The following ZNF85 variants were observed in gnomAD, a reference collection of about 807,000 sequenced individuals.
ZNF85 encodes the protein zinc finger protein 85, also known as zinc finger protein 85 (HPF4, HTF1).
ZNF85 carries 50 observed loss-of-function variants against 53.9 expected under a neutral mutation model. The ratio of observed to expected loss-of-function variants is 0.93; its 90% CI spans 0.74 to 1.17. ZNF85 has a LOEUF of 1.17. ZNF85 is among the 50% of genes most tolerant of loss of function. The pLI is 0.00. For synonymous variants in ZNF85, 225 were observed against 226.1 expected (o/e 1.00, Z 0.04); for missense variants, 747 against 688.5 (o/e 1.08, Z -0.95).
intron 3 of ZNF85, among the ~76,000 whole-genome samples, chr19:20,940,808 G>A (rs1599440876): frequency 6.6e-6 from 1 of 151,950 alleles, no homozygotes; most frequent in African/African-American, 2.4e-5. Flanking sequence ...ATTCTCAAAG[G>A]TTATCTTAAA....
chr19:20,929,162 A>T (rs1208333511), intron 1 of ZNF85, among the ~76,000 whole-genome samples: 1 of 146,736 alleles, frequency 6.8e-6, no homozygotes, highest in Non-Finnish European at 1.5e-5. Flanking sequence ...CAGTGACAGG[A>T]TTCACTAGAC....
chr19:20,945,018 T>A (rs958613235), intron 3 of ZNF85, among the ~76,000 whole-genome samples: 6 of 152,182 alleles, frequency 3.9e-5, no homozygotes, highest in Admixed American at 6.5e-5. Flanking sequence ...AAAATTCTTC[T>A]ACTTTTATCA....
intron 1 of ZNF85, among the ~76,000 whole-genome samples, chr19:20,924,678 G>T (rs1410245513): frequency 1.3e-5 from 2 of 152,106 alleles, no homozygotes; most frequent in Non-Finnish European, 2.9e-5. Context: ...GTCCTTTATT[G>T]TACATTTTAT....
intron 1 of ZNF85, among the ~76,000 whole-genome samples, chr19:20,932,207 G>A (rs1973039489): frequency 1.3e-5 from 2 of 152,056 alleles, no homozygotes; most frequent in Non-Finnish European, 2.9e-5. Context: ...AGAAAAGGAG[G>A]AAAAAGAGGA....
intron 1 of ZNF85, among the ~76,000 whole-genome samples, chr19:20,923,658 CA>C (rs1401779916): frequency 6.6e-6 from 1 of 152,202 alleles, no homozygotes; most frequent in Non-Finnish European, 1.5e-5. Context: ...TCTGCATTCG[CA>C]GCACCGCGTC....
rs767351712 is a variant in ZNF85 at position 20,948,599 on chromosome 19, A to G, written c.230-145A>G. On this transcript the variant is annotated intron_variant, in intron 3 of 3. Transcript: ENST00000328178. ...GGTCAGTATGTTTTTGTTACATTTA[A>G]ATGTCTATGAAGGATTTAGGGCCTA... 1.5e-4 allele frequency: 89 copies of G among 574,402 alleles called. No homozygotes were observed. The highest frequency in any genetic ancestry group is 2.4e-4 in the Non-Finnish European group (81 of 343,056). The allele number at this position is 574,402 out of a possible 1,614,324, so 35.6% of individuals were successfully genotyped here.
chr19:20,939,987 G>A (rs745344375), intron 3 of ZNF85, among the ~76,000 whole-genome samples: 1 of 152,008 alleles, frequency 6.6e-6, no homozygotes, highest in Non-Finnish European at 1.5e-5. Flanking sequence ...GTGAGCCACT[G>A]TGCCTGACCT....
Position 20,948,922 on chromosome 19 carries a change from A to T in ZNF85, c.408A>T (p.Gln136His), listed in dbSNP as rs12972502. ...AAGGAGGTTGTAATGGACTTAACCA[A>T]TGTCTCACAGCTACCCAGAGCAAAA... ...MHKGGCNGLN[Q>H]CLTATQSKIF... Residue 136 changes from glutamine (Q) to histidine (H), a missense_variant, in exon 4 of 4, where the codon CAA becomes CAT. Gln to His is a conservative substitution (Grantham distance 24). Coordinates refer to ENST00000328178, the MANE Select transcript of ZNF85 (RefSeq NM_003429.5). The T allele has an allele frequency of 8.7e-6, 14 of 1,613,646 alleles. No individual in the cohort carries two copies. The African/African-American group carries it at 1.9e-4, about 22-fold the overall frequency.
At chr19:20,925,201 G>T (rs919083585) in intron 1 of ZNF85, among the ~76,000 whole-genome samples, 6 of 152,136 alleles carry the variant, frequency 3.9e-5, no homozygotes, top group Non-Finnish European at 1.5e-5. Context: ...GCTCACACCT[G>T]TAATCCCAGC....
At chr19:20,947,098 GA>G (rs1285523746) in intron 3 of ZNF85, among the ~76,000 whole-genome samples, 4 of 151,104 alleles carry the variant, frequency 2.6e-5, no homozygotes, top group East Asian at 3.9e-4. Flanking sequence ...TCTCTATACA[GA>G]TTTTTTTGTG....
In ZNF85 at chr19:20,949,996, C is replaced by G; in HGVS notation, c.1482C>G (p.Pro494=). The part of the protein sequence containing the change: ...CEECGKGFKW[P]STLTIHKIIH... ...AATGTGGCAAAGGTTTTAAATGGCC[C>G]TCAACCCTTACTATCCATAAGATAA... The change falls in exon 4 of 4, where the codon CCC becomes CCG. Residue 494 remains proline, a synonymous_variant. Transcript: ENST00000328178. 6.2e-7 allele frequency: 1 copy of G among 1,612,596 alleles called. No individual in the cohort carries two copies. The highest frequency in any genetic ancestry group is 8.5e-7 in the Non-Finnish European group (1 of 1,179,554).
rs1405531404 is a variant in ZNF85, at chr19:20,949,855, T to G, written c.1341T>G (p.Ile447Met). Residue 447 changes from isoleucine (I) to methionine (M), a missense_variant, in exon 4 of 4, where the codon ATT becomes ATG. Coordinates refer to ENST00000328178, the MANE Select transcript of ZNF85 (RefSeq NM_003429.5). ...QSSKLTEHKK[I>M]HTGEKPYECE... ...CAAAACTTACTGAACATAAGAAAAT[T>G]CATACTGGAGAGAAACCCTATGAAT... The G allele has an allele frequency of 6.2e-7, 1 of 1,612,626 alleles. No individual in the cohort carries two copies. Among genetic ancestry groups the G allele is most frequent in the Admixed American group, 1.7e-5 (1 of 59,870 alleles).
At position 20,934,993 on chromosome 19, in the gene ZNF85, G is replaced by C. The variant is rs1973122983; in HGVS notation, c.175G>C (p.Gly59Arg). 1 of 1,611,578 alleles carries C rather than the reference G, an allele frequency of 6.2e-7. No individual in the cohort carries two copies. Among genetic ancestry groups the C allele is most frequent in the African/African-American group, 1.3e-5 (1 of 74,954 alleles). Residue 59 changes from glycine to arginine, a missense_variant, in exon 3 of 4, where the codon GGG becomes CGG. Gly to Arg is a moderately radical substitution (Grantham distance 125). Transcript: ENST00000328178. Reference sequence around the variant, plus strand: ...AGACCTGATCACTTGTCTGGAGCAAGGGAAAGAGGCCTGGAGTATGAAGAG... The same window carrying C: ...AGACCTGATCACTTGTCTGGAGCAACGGAAAGAGGCCTGGAGTATGAAGAG... Reference protein sequence around the residue: ...KPDLITCLEQGKEAWSMKRHE... With the variant: ...KPDLITCLEQRKEAWSMKRHE...
intron 3 of ZNF85, among the ~76,000 whole-genome samples, chr19:20,942,545 G>T (rs1973321756): frequency 6.6e-6 from 1 of 151,614 alleles, no homozygotes; most frequent in African/African-American, 2.4e-5. Context: ...AAAAATATGT[G>T]GTATTGGGAT....
chr19:20,929,871 A>G (rs1365146273), intron 1 of ZNF85, among the ~76,000 whole-genome samples: 1 of 152,208 alleles, frequency 6.6e-6, no homozygotes, highest in Non-Finnish European at 1.5e-5. Context: ...CTATAATCCC[A>G]GCACTTTGGG....
chr19:20,935,868 G>A (rs937633585), intron 3 of ZNF85, among the ~76,000 whole-genome samples: 1 of 151,930 alleles, frequency 6.6e-6, no homozygotes, highest in African/African-American at 2.4e-5. Flanking sequence ...AATTTTGATA[G>A]GGAGTTTGTT....
At chr19:20,930,141 A>AAG (rs1364046761) in intron 1 of ZNF85, among the ~76,000 whole-genome samples, 1 of 150,870 alleles carries the variant, frequency 6.6e-6, no homozygotes, top group Middle Eastern at 3.2e-3. Context: ...AAAAAAAAAA[A>AAG]AGAAATCAGA....
chr19:20,946,223 C>T (rs1973416038), intron 3 of ZNF85: 2 of 324,334 alleles, frequency 6.2e-6, no homozygotes, highest in South Asian at 2.8e-5. Context: ...ACCCTGATTC[C>T]ATTTTTATCT....
At chr19:20,924,464 C>G (rs1241224036) in intron 1 of ZNF85, among the ~76,000 whole-genome samples, 1 of 152,128 alleles carries the variant, frequency 6.6e-6, no homozygotes. Flanking sequence ...GTCTAATTGC[C>G]TGCCACTGAA....
Sources: allele counts gnomAD v4.1 joint callset (sites outside exome capture counted in the v4.1 genomes callset), GRCh38; gene constraint gnomAD v4.1.1; transcripts MANE v1.5; gene names NCBI Gene and HGNC (gene_info 2026-07-23, HGNC 2026-07-21).